Variants in STARD9 observed in about 807,000 individuals in gnomAD.
STARD9 encodes the protein stAR-related lipid transfer protein 9.
A neutral mutation model predicts 399.8 loss-of-function variants in STARD9; 346 were observed. That is an observed-to-expected ratio of 0.87 (90% CI 0.79 to 0.95). STARD9 has a LOEUF of 0.95. Ranked by LOEUF, STARD9 falls within the 40% of genes least tolerant of loss-of-function variation. The pLI is 0.00. For missense variants in STARD9, 5,832 were observed against 5,667.5 expected (o/e 1.03, Z -0.93); for synonymous variants, 2,203 against 2,143.5 (o/e 1.03, Z -0.77).
rs1185818517 is a variant in STARD9 at position 42,690,932 on chromosome 15, C to T, written c.9354C>T (p.Ser3118=). 7 of 1,537,190 alleles carry T rather than the reference C, an allele frequency of 4.6e-6. No homozygotes were observed. In the South Asian group the frequency reaches 7.1e-5, roughly 16 times the overall value. Residue 3118 remains serine, a synonymous_variant, in exon 23 of 33, where the codon AGC becomes AGT. Coordinates refer to ENST00000290607, the MANE Select transcript of STARD9 (RefSeq NM_020759.3). ...YSEPLRQFRD[S]SVGDQNAQVC... is the part of the protein sequence containing the mutation. ...AGCCCCTGAGGCAGTTTAGGGACAGCTCTGTAGGTGACCAGAATGCACAGG... is the reference window on the plus strand; with the variant it reads ...AGCCCCTGAGGCAGTTTAGGGACAGTTCTGTAGGTGACCAGAATGCACAGG...
In STARD9 at chr15:42,692,558, G is replaced by T; in HGVS notation, c.10980G>T (p.Gln3660His). 5 of 1,537,228 alleles carry T rather than the reference G, an allele frequency of 3.3e-6. No homozygotes were observed. Among genetic ancestry groups the T allele is most frequent in the Non-Finnish European group, 4.4e-6 (5 of 1,146,914 alleles). Residue 3660 changes from glutamine (Q) to histidine (H), a missense_variant, in exon 23 of 33, where the codon CAG (glutamine) becomes CAT (histidine). This residue lies in a region of STARD9 where 5,828 missense variants were observed against 5,651.1 expected (regional missense o/e 1.03). Coordinates refer to ENST00000290607, the MANE Select transcript of STARD9 (RefSeq NM_020759.3). Reference protein sequence around the residue: ...HWSSTDISFAQPEASAVSAFD... With the variant: ...HWSSTDISFAHPEASAVSAFD... ...GCAGCACTGACATCTCCTTTGCTCA[G>T]CCTGAAGCCAGTGCAGTATCAGCCT...
intron 20 of STARD9, 135 bp from the exon 21 acceptor site, chr15:42,681,287 A>G (rs2060421515): frequency 4.9e-6 from 4 of 823,092 alleles, no homozygotes; most frequent in Non-Finnish European, 5.5e-6. Context: ...TGTTTGTCCA[A>G]GGTTGCCAGA....
chr15:42,689,084 C>T lies in STARD9; in HGVS notation c.7506C>T (p.Ser2502=). Reference sequence around the variant, plus strand: ...TGGAAGAGGATAGTGACCAAGCCAGCAAGCCAAGGCAGAAGGCAGAGAAGG... The same window carrying T: ...TGGAAGAGGATAGTGACCAAGCCAGTAAGCCAAGGCAGAAGGCAGAGAAGG... ...FSLEEDSDQA[S]KPRQKAEKET... is the part of the protein sequence containing the mutation. Residue 2502 remains serine (S), a synonymous_variant, in exon 23 of 33, where the codon AGC becomes AGT. Coordinates refer to ENST00000290607, the MANE Select transcript of STARD9 (RefSeq NM_020759.3). 1 of 1,537,284 alleles carries T rather than the reference C, an allele frequency of 6.5e-7. No homozygotes were observed. The highest frequency in any genetic ancestry group is 8.7e-7 in the Non-Finnish European group (1 of 1,146,926).
intron 26 of STARD9, among the ~76,000 whole-genome samples, chr15:42,707,994 A>G (rs1487037909): frequency 1.7e-5 from 1 of 59,678 alleles, no homozygotes; most frequent in Non-Finnish European, 2.7e-5. Context: ...GGCAACATAG[A>G]AAAAAAAAAA....
intron 3 of STARD9, among the ~76,000 whole-genome samples, chr15:42,591,436 C>T (rs1008620349): frequency 4.6e-5 from 7 of 151,090 alleles, no homozygotes; most frequent in Non-Finnish European, 1.0e-4. Context: ...TGCAGTAAGC[C>T]GAGATCGCAC....
In STARD9 at chr15:42,624,134, CTTGTT is replaced by C. The variant is rs1479229649; in HGVS notation, c.235-10721_235-10717del. On this transcript the variant is annotated intron_variant, in intron 3 of 32. Transcript: ENST00000290607. ...AAAGCTGGCACAGATGACACTTTCCCTTGTTAGACTGTTCACACTTTGGGTAAGCT... is the reference window on the plus strand; with the variant it reads ...AAAGCTGGCACAGATGACACTTTCCCAGACTGTTCACACTTTGGGTAAGCT... 1.1e-3 allele frequency among the ~76,000 whole-genome samples: 168 copies of C among 152,304 alleles called. 1 individual carries two copies. The highest frequency in any genetic ancestry group is 3.8e-3 in the African/African-American group (157 of 41,558).
intron 3 of STARD9, among the ~76,000 whole-genome samples, chr15:42,588,503 C>T (rs2058325605): frequency 6.6e-6 from 1 of 151,914 alleles, no homozygotes; most frequent in African/African-American, 2.4e-5. Context: ...CCTCATTGGT[C>T]CCAGGAGGAG....
chr15:42,631,344 C>T (rs985863545), intron 3 of STARD9, among the ~76,000 whole-genome samples: 15 of 152,034 alleles, frequency 9.9e-5, no homozygotes, highest in African/African-American at 2.2e-4. Flanking sequence ...TACTTTGTGA[C>T]GCCAAGTTGG....
chr15:42,686,178 G>T lies in STARD9; in HGVS notation c.4600G>T (p.Val1534Phe). Residue 1534 changes from valine to phenylalanine, a missense_variant, in exon 23 of 33, where the codon GTT (valine) becomes TTT (phenylalanine). Physicochemically the swap from Val to Phe is conservative, Grantham distance 50. This residue lies in a region of STARD9 where 5,828 missense variants were observed against 5,651.1 expected (regional missense o/e 1.03). Coordinates refer to ENST00000290607, the MANE Select transcript of STARD9 (RefSeq NM_020759.3). ...CAAAGGAGGAGATACTCTATTGCCA[G>T]TTGGCCCTAGGGTATCTAGCAATCT... is the stretch of plus-strand genomic sequence containing the variant. ...SSKGGDTLLPVGPRVSSNLNL... is the reference protein window; with the variant it reads ...SSKGGDTLLPFGPRVSSNLNL... The T allele has an allele frequency of 2.6e-6, 4 of 1,537,488 alleles. No individual in the cohort carries two copies. The highest frequency in any genetic ancestry group is 1.7e-4 in the Middle Eastern group (1 of 5,990).
intron 26 of STARD9, among the ~76,000 whole-genome samples, chr15:42,712,090 T>TATAAAAAATATAAA (rs1566966057): frequency 3.3e-4 from 2 of 6,142 alleles, no homozygotes; most frequent in African/African-American, 1.8e-3. Context: ...ATTATATATA[T>TATAAAAAATATAAA]ATATATAATA....
At chr15:42,664,984 A>G (rs1200754331) in intron 13 of STARD9, among the ~76,000 whole-genome samples, 1 of 152,074 alleles carries the variant, frequency 6.6e-6, no homozygotes, top group East Asian at 1.9e-4. Flanking sequence ...GTGTATCCGA[A>G]TCACCTGGAG....
chr15:42,651,091 A>G lies in STARD9; in HGVS notation c.629+6A>G. On this transcript the variant is annotated splice_donor_region_variant and intron_variant, in intron 8 of 32. Transcript: ENST00000290607. ...GAGGAGGGAATTGCAAACAGGTAAC[A>G]GGTTTGTTTGTTTCTGTCATTCTTT... is the stretch of plus-strand genomic sequence containing the variant. 1.3e-6 allele frequency: 2 copies of G among 1,528,864 alleles called. No individual in the cohort carries two copies. The highest frequency in any genetic ancestry group is 1.8e-6 in the Non-Finnish European group (2 of 1,140,186). 94.7% of individuals were successfully genotyped at this position (1,528,864 alleles called of 1,614,324 possible).
At chr15:42,675,481 C>G in intron 18 of STARD9, 183 bp from the exon 19 acceptor site, 1 of 583,570 alleles carries the variant, frequency 1.7e-6, no homozygotes, top group Non-Finnish European at 3.0e-6. Flanking sequence ...AGAGTTCTTC[C>G]TGTCTGTCTT....
At position 42,688,037 on chromosome 15, in the gene STARD9, G is replaced by T. The variant is rs1419553111; in HGVS notation, c.6459G>T (p.Arg2153Ser). Residue 2153 changes from arginine (R) to serine (S), a missense_variant, in exon 23 of 33, where the codon AGG becomes AGT. Around this residue, in one of 2 missense-constraint regions of STARD9, gnomAD observed 5,828 missense variants for 5,651.1 expected, o/e 1.03. Transcript: ENST00000290607. Reference protein sequence around the residue: ...QVQKITPNPFRSREGVRESEP... With the variant: ...QVQKITPNPFSSREGVRESEP... Reference sequence around the variant, plus strand: ...AGAAAATCACCCCAAACCCCTTCAGGTCAAGGGAAGGTGTACGAGAGAGTG... The same window carrying T: ...AGAAAATCACCCCAAACCCCTTCAGTTCAAGGGAAGGTGTACGAGAGAGTG... 2 of 1,537,348 alleles carry T rather than the reference G, an allele frequency of 1.3e-6. No homozygotes were observed. The highest frequency in any genetic ancestry group is 2.7e-5 in the African/African-American group (2 of 73,040).
chr15:42,583,775 CCTTAT>C (rs1361151311), intron 2 of STARD9, among the ~76,000 whole-genome samples: 1 of 152,048 alleles, frequency 6.6e-6, no homozygotes, highest in African/African-American at 2.4e-5. Context: ...TAAACTTTGT[CCTTAT>C]CTTTTCAGTT....
chr15:42,673,952 C>G (rs1033163851), intron 16 of STARD9: 25 of 456,472 alleles, frequency 5.5e-5, no homozygotes, highest in African/African-American at 4.8e-4. Flanking sequence ...ACTTCATCTG[C>G]GGACCAAGAA....
At chr15:42,603,207 T>TCTGTTGCCTAGGCTGGAGTGCAG (rs1318099403) in intron 3 of STARD9, among the ~76,000 whole-genome samples, 5 of 152,210 alleles carry the variant, frequency 3.3e-5, no homozygotes, top group Admixed American at 6.5e-5. Flanking sequence ...AGAGTCTTGC[T>TCTGTTGCCTAGGCTGGAGTGCAG]CTGTTGCCTA....
In STARD9 at chr15:42,682,330, G is replaced by A; in HGVS notation, c.2292G>A (p.Arg764=). The A allele has an allele frequency of 6.5e-7, 1 of 1,537,246 alleles. No homozygotes were observed. The change falls in exon 22 of 33, where the codon CGG becomes CGA. Residue 764 remains arginine, a synonymous_variant. Coordinates refer to ENST00000290607, the MANE Select transcript of STARD9 (RefSeq NM_020759.3). ...HTLRAAERNV[R]RKKVSFQLER... ...TTCGGGCAGCAGAGCGGAATGTCCG[G>A]CGGAAAAAGGTCTCATTCCAGCTAG... is the stretch of plus-strand genomic sequence containing the variant.
chr15:42,634,825 A>C (rs1435235980), intron 3 of STARD9, 31 bp from the exon 4 acceptor site: 7 of 1,120,570 alleles, frequency 6.2e-6, no homozygotes, highest in Non-Finnish European at 8.9e-6. Flanking sequence ...GAAGGACCAC[A>C]GTGATATTTC....
Sources: gnomAD v4.1 joint callset for allele counts (sites outside exome capture counted in the v4.1 genomes callset) on GRCh38, gnomAD v4.1.1 for gene constraint, gnomAD v4.1.1 regional missense constraint, MANE v1.5 for transcripts, NCBI Gene and HGNC (gene_info 2026-07-23, HGNC 2026-07-21) for gene names.